Variants in UNC13C observed in about 807,000 individuals in gnomAD.
The protein encoded by UNC13C is unc-13 homolog C, also known as protein unc-13 homolog C.
In UNC13C, 174 loss-of-function variants were observed where a neutral mutation model predicts 245.4. That is an observed-to-expected ratio of 0.71 (90% CI 0.63 to 0.80). UNC13C has a LOEUF of 0.80. Among genes scored for constraint, UNC13C ranks in the 30% least tolerant of loss-of-function variants. The pLI, the probability that UNC13C is intolerant of heterozygous loss-of-function variation, is 0.00. For synonymous variants in UNC13C, 992 were observed against 895.1 expected, an observed-to-expected ratio of 1.11 and a Z score of -1.93; for missense variants, 2,829 against 2,602.9, an observed-to-expected ratio of 1.09 and a Z score of -1.89.
intron 25 of UNC13C, among the ~76,000 whole-genome samples, chr15:54,530,100 G>C (rs1895667312): frequency 6.6e-6 from 1 of 152,124 alleles, no homozygotes; most frequent in Non-Finnish European, 1.5e-5. Context: ...AGAGGTAGGT[G>C]GAAGGAGATG....
chr15:54,552,069 A>G (rs1406169674), intron 28 of UNC13C, among the ~76,000 whole-genome samples: 1 of 150,918 alleles, frequency 6.6e-6, no homozygotes, highest in Admixed American at 6.7e-5. Flanking sequence ...TTGATAGATA[A>G]CTGCCTAAAG....
At chr15:54,085,386 A>G (rs1899181906) in intron 2 of UNC13C, among the ~76,000 whole-genome samples, 1 of 152,146 alleles carries the variant, frequency 6.6e-6, no homozygotes, top group African/African-American at 2.4e-5. Context: ...GATCCCAAGT[A>G]ATCCCTATAC....
intron 2 of UNC13C, among the ~76,000 whole-genome samples, chr15:54,016,548 G>C (rs1163241894): frequency 6.6e-6 from 1 of 152,142 alleles, no homozygotes; most frequent in Non-Finnish European, 1.5e-5. Flanking sequence ...GAGTTGAGTG[G>C]TTACCTTCTT....
chr15:54,357,211 G>C (rs1051298504), intron 17 of UNC13C, among the ~76,000 whole-genome samples: 2 of 151,794 alleles, frequency 1.3e-5, no homozygotes, highest in African/African-American at 4.8e-5. Flanking sequence ...GACTCACCTG[G>C]AATTTATTTT....
intron 30 of UNC13C, among the ~76,000 whole-genome samples, chr15:54,599,165 A>T (rs1899260704): frequency 6.6e-6 from 1 of 152,076 alleles, no homozygotes; most frequent in Admixed American, 6.6e-5. Context: ...ACACATATAT[A>T]GGTAGAGAAA....
intron 4 of UNC13C, among the ~76,000 whole-genome samples, chr15:54,208,066 T>C (rs2034770424): frequency 6.6e-6 from 1 of 152,154 alleles, no homozygotes; most frequent in Non-Finnish European, 1.5e-5. Context: ...GCTCAGCTTC[T>C]GGTGAGGGCT....
At chr15:54,382,554 G>A (rs1010927336) in intron 17 of UNC13C, among the ~76,000 whole-genome samples, 1 of 151,906 alleles carries the variant, frequency 6.6e-6, no homozygotes, top group Non-Finnish European at 1.5e-5. Flanking sequence ...TCCAGCTTGG[G>A]TGACAGAGTG....
chr15:54,224,922 A>G (rs978501307), intron 4 of UNC13C, among the ~76,000 whole-genome samples: 9 of 151,600 alleles, frequency 5.9e-5, no homozygotes, highest in Admixed American at 6.6e-5. Context: ...AGGTTTTCCA[A>G]TTTATTGGCA....
At chr15:54,105,222 A>C (rs1318776713) in intron 2 of UNC13C, among the ~76,000 whole-genome samples, 1 of 152,190 alleles carries the variant, frequency 6.6e-6, no homozygotes, top group East Asian at 1.9e-4. Flanking sequence ...TCATGAGAAT[A>C]AACCTTGGGT....
At chr15:53,880,424 G>A in the UNC13C span, among the ~76,000 whole-genome samples, 1 of 152,156 alleles carries the variant, frequency 6.6e-6, no homozygotes. Flanking sequence ...AAGAGCTGAA[G>A]GAATAGCTCA....
intron 25 of UNC13C, among the ~76,000 whole-genome samples, chr15:54,530,493 T>C (rs982282569): frequency 6.6e-6 from 1 of 152,098 alleles, no homozygotes; most frequent in South Asian, 2.1e-4. Flanking sequence ...GGGGCTTACA[T>C]TATAGGGAGG....
At chr15:53,969,776 T>G in the UNC13C span, among the ~76,000 whole-genome samples, 1 of 151,784 alleles carries the variant, frequency 6.6e-6, no homozygotes, top group Non-Finnish European at 1.5e-5. Flanking sequence ...AAGTGCACAG[T>G]GTTAAGTATA....
chr15:53,953,229 A>G, the UNC13C span, among the ~76,000 whole-genome samples: 1 of 152,102 alleles, frequency 6.6e-6, no homozygotes, highest in Non-Finnish European at 1.5e-5. Context: ...TGTGTGGAAA[A>G]ACCTCCATTA....
intron 18 of UNC13C, among the ~76,000 whole-genome samples, chr15:54,407,005 G>A (rs1236693642): frequency 6.6e-6 from 1 of 152,204 alleles, no homozygotes; most frequent in South Asian, 2.1e-4. Flanking sequence ...TCATAGTAAG[G>A]GTTGGGGAAT....
At position 54,083,497 on chromosome 15, in the gene UNC13C, C is replaced by T. The variant is rs187912199; in HGVS notation, c.2984-59521C>T. ...TCACTTTCTGCGCCAAGAAAAAGCA[C>T]TTTCTCCAAGTGTACATGTGTCAGC... On this transcript the variant is annotated intron_variant, in intron 2 of 32. Transcript: ENST00000260323. Among the ~76,000 whole-genome samples, 79 of 152,304 alleles carry T rather than the reference C, an allele frequency of 5.2e-4. 1 individual carries two copies. The highest frequency in any genetic ancestry group is 1.9e-3 in the African/African-American group (78 of 41,576).
chr15:54,009,827 A>G (rs1895304199), intron 1 of UNC13C, among the ~76,000 whole-genome samples: 1 of 152,126 alleles, frequency 6.6e-6, no homozygotes, highest in Admixed American at 6.5e-5. Flanking sequence ...TCTTATGACC[A>G]CACAGCTAGT....
the UNC13C span, among the ~76,000 whole-genome samples, chr15:53,841,695 C>T: frequency 6.6e-6 from 1 of 152,000 alleles, no homozygotes; most frequent in Non-Finnish European, 1.5e-5. Context: ...TAACATAGAT[C>T]TGTAGTTGTA....
chr15:53,933,679 T>G, the UNC13C span, among the ~76,000 whole-genome samples: 3 of 152,230 alleles, frequency 2.0e-5, no homozygotes, highest in Admixed American at 1.3e-4. Flanking sequence ...GAGTGCACTA[T>G]GCTGTTGAAT....
chr15:54,543,729 C>T (rs1896353607), intron 26 of UNC13C, among the ~76,000 whole-genome samples: 1 of 152,050 alleles, frequency 6.6e-6, no homozygotes, highest in Non-Finnish European at 1.5e-5. Context: ...CATATACCCT[C>T]CCCAGACAAA....
Sources: gnomAD v4.1 joint callset for allele counts (sites outside exome capture counted in the v4.1 genomes callset) on GRCh38, gnomAD v4.1.1 for gene constraint, MANE v1.5 for transcripts, NCBI Gene and HGNC (gene_info 2026-07-23, HGNC 2026-07-21) for gene names.